LAMA5: variants seen among roughly 807,000 people sequenced by gnomAD.
LAMA5 encodes the protein laminin subunit alpha-5.
In LAMA5, 260 loss-of-function variants were observed where a neutral mutation model predicts 433.4. The observed-to-expected ratio is 0.60, with a 90% CI of 0.54 to 0.66. The LOEUF (loss-of-function observed/expected upper bound fraction) is 0.66. LAMA5 is among the 30% of genes least tolerant of loss of function. LAMA5 has a pLI of 0.00. For missense variants in LAMA5, 5,378 were observed against 5,258.5 expected (o/e 1.02, Z -0.70); for synonymous variants, 2,620 against 2,226.6 (o/e 1.18, Z -4.97).
At chr20:62,366,173 C>T (rs1463584379) in intron 1 of LAMA5, among the ~76,000 whole-genome samples, 1 of 152,212 alleles carries the variant, frequency 6.6e-6, no homozygotes, top group African/African-American at 2.4e-5. Flanking sequence ...CTGCTCCTCA[C>T]CCAAGGCTGA....
In LAMA5 at chr20:62,319,689, AG is replaced by A; in HGVS notation, c.6865del (p.Leu2289Ter). ...CTGGCTGGGCTGGCCCCTACCGCTC[AG>A]GGTGCGGTCCACAGCCCGGATGGCC... is the stretch of plus-strand genomic sequence containing the variant. ...LAAIRAVDRTLSELMSQTGHL... is the reference protein window; with the variant it reads ...LAAIRAVDRTXSELMSQTGHL... On this transcript the variant is annotated frameshift_variant, in exon 51 of 80. Transcript: ENST00000252999. LOFTEE classifies it high-confidence loss of function. 6.5e-7 allele frequency: 1 copy of A among 1,539,100 alleles called. No homozygotes were observed.
intron 47 of LAMA5, 44 bp from the exon 48 acceptor site, chr20:62,322,212 G>A (rs1978365098): frequency 3.2e-6 from 5 of 1,564,782 alleles, no homozygotes; most frequent in Non-Finnish European, 4.3e-6. Flanking sequence ...CTGGGACCTT[G>A]GAGCGTACCC....
intron 69 of LAMA5, 59 bp downstream of exon 69, chr20:62,312,114 T>C: frequency 1.2e-6 from 2 of 1,609,406 alleles, no homozygotes; most frequent in Non-Finnish European, 8.5e-7. Context: ...GACACCCCAG[T>C]CCCAACTGCT....
rs1238232872 is a variant in LAMA5 at position 62,367,028 on chromosome 20, G to A, written c.218C>T (p.Ser73Phe). The stretch of plus-strand genomic sequence containing the variant: ...GTAAAGGTCCTCGGTGGGGCGCGGG[G>A]AGCCGCGCGCCGGGGCCTCCTCTCC... ...TCGEEAPARG[S>F]PRPTEDLYCK... Residue 73 changes from serine to phenylalanine, a missense_variant, in exon 1 of 80, where the codon TCC (serine) becomes TTC (phenylalanine). Coordinates refer to ENST00000252999, the MANE Select transcript of LAMA5 (RefSeq NM_005560.6). The A allele has an allele frequency of 7.1e-6, 9 of 1,275,026 alleles. No individual in the cohort carries two copies. In the African/African-American group the frequency reaches 1.1e-4, roughly 15 times the overall value. 79.0% of individuals were successfully genotyped at this position (1,275,026 alleles called of 1,614,324 possible). A position where few individuals can be genotyped will look rare whatever the true frequency, so the allele number is the denominator to read the frequency against.
chr20:62,310,628 G>T, intron 75 of LAMA5, 37 bp downstream of exon 75: 1 of 1,592,270 alleles, frequency 6.3e-7, no homozygotes. Context: ...AGGGAACAGT[G>T]GGTGGGGAGT....
chr20:62,344,073 G>A (rs1982998865), intron 11 of LAMA5, among the ~76,000 whole-genome samples: 1 of 149,454 alleles, frequency 6.7e-6, no homozygotes, highest in Non-Finnish European at 1.5e-5. Context: ...GAACCTGGGA[G>A]GCACAAGTGG....
intron 2 of LAMA5, among the ~76,000 whole-genome samples, chr20:62,357,810 G>A (rs192624716): frequency 4.3e-4 from 66 of 152,334 alleles, no homozygotes; most frequent in African/African-American, 1.6e-3. Flanking sequence ...GGAGAGGATG[G>A]GTTCCCAGCC....
intron 16 of LAMA5, among the ~76,000 whole-genome samples, chr20:62,337,383 C>G (rs1052749810): frequency 1.3e-5 from 2 of 152,224 alleles, no homozygotes; most frequent in Non-Finnish European, 2.9e-5. Flanking sequence ...ACGACAGGCG[C>G]GGATGCACAG....
At chr20:62,353,370 G>T in intron 2 of LAMA5, 119 bp from the exon 3 acceptor site, 2 of 688,680 alleles carry the variant, frequency 2.9e-6, no homozygotes, top group Non-Finnish European at 4.9e-6. Context: ...CACCCTCGCC[G>T]CACAGGGGGC....
rs1230625702 is a variant in LAMA5, at chr20:62,313,349, C to T, written c.8770G>A (p.Ala2924Thr). Residue 2924 changes from alanine (A) to threonine (T), a missense_variant, in exon 64 of 80, where the codon GCT becomes ACT. Coordinates refer to ENST00000252999, the MANE Select transcript of LAMA5 (RefSeq NM_005560.6). ...CACCGGGCACAAGGCCTGTCCACAGCCGTGTCCAGCTGGAAGGTCCTCTCG... is the reference window on the plus strand; with the variant it reads ...CACCGGGCACAAGGCCTGTCCACAGTCGTGTCCAGCTGGAAGGTCCTCTCG... ...NFERTFQLDT[A>T]VDRPCARSKS... The T allele has an allele frequency of 9.6e-6, 15 of 1,569,864 alleles. No homozygotes were observed. Among genetic ancestry groups the T allele is most frequent in the Admixed American group, 1.9e-5 (1 of 53,416 alleles).
intron 79 of LAMA5, 66 bp downstream of exon 79, chr20:62,309,650 T>TGGGGGGGGG: frequency 6.7e-6 from 2 of 296,688 alleles, no homozygotes; most frequent in Non-Finnish European, 1.0e-5. Flanking sequence ...GGGGGGAGGG[T>TGGGGGGGGG]GGTAGGTTAC....
intron 32 of LAMA5, 26 bp downstream of exon 32, chr20:62,329,751 T>C: frequency 6.2e-7 from 1 of 1,611,090 alleles, no homozygotes; most frequent in Non-Finnish European, 8.5e-7. Flanking sequence ...AGCTGGTCCC[T>C]GAGCAGGACA....
intron 50 of LAMA5, 114 bp downstream of exon 50, chr20:62,320,445 C>T (rs1987558608): frequency 1.3e-6 from 1 of 769,388 alleles, no homozygotes. Context: ...CTCCTGTCCC[C>T]TGCACTGACA....
At chr20:62,362,622 T>C (rs537856027) in intron 1 of LAMA5, 70 bp from the exon 2 acceptor site, 64 of 1,328,506 alleles carry the variant, frequency 4.8e-5, no homozygotes, top group Middle Eastern at 2.7e-4. Flanking sequence ...ACAGTCACCC[T>C]GCTGCCCCGA....
intron 1 of LAMA5, among the ~76,000 whole-genome samples, chr20:62,362,898 GGTGCCA>G (rs1205073838): frequency 1.3e-5 from 2 of 151,966 alleles, no homozygotes; most frequent in African/African-American, 4.8e-5. Context: ...AGGCAGAGGG[GGTGCCA>G]GTGCAACGAG....
chr20:62,317,802 G>A, intron 53 of LAMA5, 24 bp from the exon 54 acceptor site: 1 of 1,421,760 alleles, frequency 7.0e-7, no homozygotes, highest in Non-Finnish European at 9.7e-7. Flanking sequence ...AGGGGAGTTG[G>A]GGACAATGAG....
intron 11 of LAMA5, among the ~76,000 whole-genome samples, chr20:62,343,919 C>G (rs898218774): frequency 6.6e-6 from 1 of 151,562 alleles, no homozygotes; most frequent in Non-Finnish European, 1.5e-5. Flanking sequence ...CCAAGGCAGG[C>G]GGATTACCTG....
intron 1 of LAMA5, among the ~76,000 whole-genome samples, chr20:62,362,801 G>A (rs1986290077): frequency 6.6e-6 from 1 of 152,078 alleles, no homozygotes; most frequent in South Asian, 2.1e-4. Context: ...GTGGAGAGGG[G>A]CATCTGCCTT....
intron 6 of LAMA5, chr20:62,350,853 C>T (rs567637097): frequency 6.6e-6 from 1 of 152,466 alleles, no homozygotes; most frequent in African/African-American, 2.4e-5. Context: ...CCCTGTGTTC[C>T]CATTCCCAGG....
Sources: gnomAD v4.1 joint callset for allele counts (sites outside exome capture counted in the v4.1 genomes callset) on GRCh38, gnomAD v4.1.1 for gene constraint, MANE v1.5 for transcripts, NCBI Gene and HGNC (gene_info 2026-07-23, HGNC 2026-07-21) for gene names.